Variants in ATAD2 observed in about 807,000 individuals in gnomAD.
ATAD2 encodes the protein ATPase family AAA domain containing 2, also known as ATPase family AAA domain-containing protein 2.
ATAD2 carries 62 observed loss-of-function variants against 168.9 expected under a neutral mutation model. The ratio of observed to expected loss-of-function variants is 0.37; its 90% CI spans 0.30 to 0.45. The LOEUF is 0.45. Among genes scored for constraint, ATAD2 ranks in the 20% least tolerant of loss-of-function variants. ATAD2 has a pLI of 1.00. For synonymous variants in ATAD2, 613 were observed against 571.6 expected, an observed-to-expected ratio of 1.07 and a Z score of -1.03; for missense variants, 1,419 against 1,667.8, an observed-to-expected ratio of 0.85 and a Z score of 2.60.
chr8:123,376,638 A>C (rs1317498894), intron 2 of ATAD2, among the ~76,000 whole-genome samples: 2 of 152,106 alleles, frequency 1.3e-5, no homozygotes, highest in African/African-American at 2.4e-5. Context: ...TATAAATTAT[A>C]TCTCAATAAA....
chr8:123,371,555 T>C (rs1333129854), intron 4 of ATAD2, 115 bp downstream of exon 4: 3 of 945,552 alleles, frequency 3.2e-6, no homozygotes, highest in African/African-American at 1.7e-5. Context: ...CATTCTCCTG[T>C]ACGCTTTACG....
chr8:123,320,759 T>C lies in ATAD2; in HGVS notation c.*375A>G, dbSNP rs76178785. The C allele has an allele frequency of 6.8e-3, 1,193 of 174,216 alleles. 18 individuals carry two copies. Among genetic ancestry groups the C allele is most frequent in the African/African-American group, 0.027 (1,129 of 41,868 alleles). The allele number at this position is 174,216 out of a possible 1,614,324, so 10.8% of individuals were successfully genotyped here. Reference sequence around the variant, plus strand: ...ATGGTTAAGTAAGTTTCTTGTCAGATACAATAAACTATTTTTAGGAAGGAT... The same window carrying C: ...ATGGTTAAGTAAGTTTCTTGTCAGACACAATAAACTATTTTTAGGAAGGAT... On this transcript the variant is annotated 3_prime_UTR_variant, in exon 28 of 28. Transcript: ENST00000287394.
chr8:123,378,701 CAAAAAAA>C (rs71808201), intron 2 of ATAD2, among the ~76,000 whole-genome samples: 43 of 73,052 alleles, frequency 5.9e-4, no homozygotes, highest in Non-Finnish European at 9.5e-4. Flanking sequence ...GACTGTGTCT[CAAAAAAA>C]AAAAAAAAAA....
rs1586854506 is a variant in ATAD2 at position 123,327,474 on chromosome 8, G to A, written c.3868+716C>T. On this transcript the variant is annotated intron_variant, in intron 25 of 27. Coordinates refer to ENST00000287394, the MANE Select transcript of ATAD2 (RefSeq NM_014109.4). The stretch of plus-strand genomic sequence containing the variant: ...TACACTTAGAGCTCATGTCAAAGAA[G>A]CCCTTGCAAAAGGCTTGCATTCAGT... Among the ~76,000 whole-genome samples, 7 of 151,616 alleles carry A rather than the reference G, an allele frequency of 4.6e-5. No homozygotes were observed. In the South Asian group the frequency reaches 1.5e-3, roughly 32 times the overall value.
chr8:123,323,025 G>A lies in ATAD2; in HGVS notation c.4044C>T (p.Asn1348=), dbSNP rs769376870. The A allele has an allele frequency of 1.2e-6, 2 of 1,612,212 alleles. No individual in the cohort carries two copies. Among genetic ancestry groups the A allele is most frequent in the East Asian group, 2.2e-5 (1 of 44,824 alleles). Residue 1348 remains asparagine, a synonymous_variant, in exon 27 of 28, where the codon AAC becomes AAT. Transcript: ENST00000287394. The part of the protein sequence containing the change: ...KTVVKKSQNY[N]IFQLENLYAV... ...CATACAAATTTTCCAACTGAAATATGTTGTAGTTTTGACTTTTTTTAACAA... is the reference window on the plus strand; with the variant it reads ...CATACAAATTTTCCAACTGAAATATATTGTAGTTTTGACTTTTTTTAACAA...
chr8:123,327,139 C>G (rs564015788), intron 25 of ATAD2, among the ~76,000 whole-genome samples: 3 of 152,172 alleles, frequency 2.0e-5, no homozygotes, highest in African/African-American at 7.2e-5. Context: ...GAACTCCTGA[C>G]CTCGTGATCC....
At chr8:123,412,009 G>A (rs1813166442) in intron 1 of ATAD2, among the ~76,000 whole-genome samples, 1 of 152,184 alleles carries the variant, frequency 6.6e-6, no homozygotes, top group Non-Finnish European at 1.5e-5. Flanking sequence ...AGTGGAATGT[G>A]AGCAGAGTGA....
At position 123,349,383 on chromosome 8, in the gene ATAD2, C is replaced by T. The variant is rs1286637858; in HGVS notation, c.1708G>A (p.Val570Ile). The change falls in exon 14 of 28, where the codon GTC becomes ATC. Residue 570 changes from valine (V) to isoleucine (I), a missense_variant. Val to Ile is a conservative substitution (Grantham distance 29). Coordinates refer to ENST00000287394, the MANE Select transcript of ATAD2 (RefSeq NM_014109.4). ...TCTAGCCTGTTCGTAGCACCAATGA[C>T]CACAATTTCCCCTCTGCTGTCCAAT... ...DGLDSRGEIV[V>I]IGATNRLDSI... is the part of the protein sequence containing the mutation. The T allele has an allele frequency of 1.1e-5, 17 of 1,613,934 alleles. No homozygotes were observed. The highest frequency in any genetic ancestry group is 1.4e-5 in the Non-Finnish European group (17 of 1,179,994).
chr8:123,374,858 C>G (rs1829256536), intron 2 of ATAD2, among the ~76,000 whole-genome samples: 1 of 152,176 alleles, frequency 6.6e-6, no homozygotes, highest in Non-Finnish European at 1.5e-5. Flanking sequence ...AAGACTATAC[C>G]TAATCACTGG....
At chr8:123,403,522 G>A (rs1336457384) in intron 1 of ATAD2, among the ~76,000 whole-genome samples, 1 of 151,694 alleles carries the variant, frequency 6.6e-6, no homozygotes, top group African/African-American at 2.4e-5. Context: ...CTACAACCTC[G>A]AACTCCTGGA....
At chr8:123,332,735 T>C (rs1164747593) in intron 24 of ATAD2, among the ~76,000 whole-genome samples, 2 of 152,226 alleles carry the variant, frequency 1.3e-5, no homozygotes, top group African/African-American at 4.8e-5. Flanking sequence ...ACCAACCTAA[T>C]ATTATGAATA....
chr8:123,371,285 T>A lies in ATAD2; in HGVS notation c.590A>T (p.Gln197Leu), dbSNP rs1829141165. ...KMDDMKKMRR[Q>L]RMRELEDLGV... ...CAAGTCTTCAAGTTCTCTCATTCGC[T>A]GTCTACGCATCTTCTTCATGTCATC... is the stretch of plus-strand genomic sequence containing the variant. Residue 197 changes from glutamine (Q) to leucine (L), a missense_variant, in exon 5 of 28, where the codon CAG becomes CTG. By Grantham distance (113) the Gln-to-Leu change is moderately radical (BLOSUM62 -2). Around this residue, in one of 5 missense-constraint regions of ATAD2, gnomAD observed 419 missense variants for 423.5 expected, o/e 0.99. Coordinates refer to ENST00000287394, the MANE Select transcript of ATAD2 (RefSeq NM_014109.4). 6.2e-7 allele frequency: 1 copy of A among 1,610,052 alleles called. No homozygotes were observed.
Position 123,325,951 on chromosome 8 carries a change from G to A in ATAD2, c.3944C>T (p.Ala1315Val). The A allele has an allele frequency of 2.5e-6, 4 of 1,614,068 alleles. No individual in the cohort carries two copies. Among genetic ancestry groups the A allele is most frequent in the Non-Finnish European group, 3.4e-6 (4 of 1,179,974 alleles). ...TGTAGGCTGAGAAAGAATTGCCAAAGCCTTTTCAACAGTGATGAGCTGCTG... is the reference window on the plus strand; with the variant it reads ...TGTAGGCTGAGAAAGAATTGCCAAAACCTTTTCAACAGTGATGAGCTGCTG... ...EQQQLITVEKALAILSQPTPS... is the reference protein window; with the variant it reads ...EQQQLITVEKVLAILSQPTPS... The change falls in exon 26 of 28, where the codon GCT becomes GTT. Residue 1315 changes from alanine to valine, a missense_variant. This residue lies in a region of ATAD2 where 303 missense variants were observed against 304.3 expected (regional missense o/e 1.00). Transcript: ENST00000287394.
In ATAD2 at chr8:123,356,251, T is replaced by TATACTGGG. The variant is rs1158881199; in HGVS notation, c.1646+130_1646+137dup. 4.8e-5 allele frequency: 28 copies of TATACTGGG among 585,758 alleles called. No homozygotes were observed. In the African/African-American group the frequency reaches 5.1e-4, roughly 11 times the overall value. 36.3% of individuals were successfully genotyped at this position (585,758 alleles called of 1,614,324 possible). On this transcript the variant is annotated intron_variant, in intron 13 of 27. Transcript: ENST00000287394. ...ATCCACATTTTTTATTTTTGTACTA[T>TATACTGGG]ATACTGGGGTTCTACTACCAAAAAA...
In ATAD2 at chr8:123,337,236, G is replaced by A. The variant is rs529787611; in HGVS notation, c.3051+389C>T. Among the ~76,000 whole-genome samples, 136 of 151,952 alleles carry A rather than the reference G, an allele frequency of 9.0e-4. 2 individuals are homozygous for A. The highest frequency in any genetic ancestry group is 8.6e-3 in the Admixed American group (131 of 15,260). On this transcript the variant is annotated intron_variant, in intron 21 of 27. Coordinates refer to ENST00000287394, the MANE Select transcript of ATAD2 (RefSeq NM_014109.4). ...AAATTAGCTGGACGTGGTGGCACACGCCTGTAGTCCCAGCTACTTGGGAGG... is the reference window on the plus strand; with the variant it reads ...AAATTAGCTGGACGTGGTGGCACACACCTGTAGTCCCAGCTACTTGGGAGG...
In ATAD2 at chr8:123,371,826, A is replaced by G. The variant is rs1343167812; in HGVS notation, c.380T>C (p.Ile127Thr). Residue 127 changes from isoleucine (I) to threonine (T), a missense_variant, in exon 4 of 28, where the codon ATT becomes ACT. By Grantham distance (89) the Ile-to-Thr change is moderately conservative. Coordinates refer to ENST00000287394, the MANE Select transcript of ATAD2 (RefSeq NM_014109.4). ...KKEEHREDKV[I>T]PVTRSLRARN... ...AGCCCTCAATGACCGAGTAACTGGA[A>G]TCACTTTGTCTTCACAAATGCATAC... The G allele has an allele frequency of 6.3e-7, 1 of 1,598,884 alleles. No homozygotes were observed. The highest frequency in any genetic ancestry group is 8.5e-7 in the Non-Finnish European group (1 of 1,175,184).
chr8:123,367,349 G>A (rs1348472249), intron 8 of ATAD2, among the ~76,000 whole-genome samples: 3 of 152,176 alleles, frequency 2.0e-5, no homozygotes, highest in East Asian at 1.9e-4. Flanking sequence ...CCCAGGAAGC[G>A]GAGGTTGCAG....
chr8:123,415,893 C>G (rs898180071), intron 1 of ATAD2, among the ~76,000 whole-genome samples: 2 of 152,280 alleles, frequency 1.3e-5, no homozygotes, highest in East Asian at 3.9e-4. Context: ...GCACCCGGCC[C>G]TAAACACTAT....
Position 123,410,801 on chromosome 8 carries a change from C to A in ATAD2, c.-2282+5447G>T, listed in dbSNP as rs1446648647. Among the ~76,000 whole-genome samples the A allele has an allele frequency of 1.1e-4, 16 of 152,358 alleles. No homozygotes were observed. The South Asian group carries it at 3.1e-3, about 30-fold the overall frequency. ...GTTTGCTGCCGTGGCAGACCCGCCA[C>A]TGACTTCTATCCCTCCAGATCCGGC... On this transcript the variant is annotated intron_variant, in intron 1 of 28. Transcript: ENST00000521903.
Sources: allele counts gnomAD v4.1 joint callset (sites outside exome capture counted in the v4.1 genomes callset), GRCh38; gene constraint gnomAD v4.1.1; regional missense constraint gnomAD v4.1.1; transcripts MANE v1.5; gene names NCBI Gene and HGNC (gene_info 2026-07-23, HGNC 2026-07-21).